Variants in PDE3B observed in about 807,000 individuals in gnomAD.
PDE3B encodes cGMP-inhibited 3',5'-cyclic phosphodiesterase 3B.
Under a neutral mutation model 116.8 loss-of-function variants are expected in PDE3B, and 66 were observed. The ratio of observed to expected loss-of-function variants is 0.56; its 90% CI spans 0.46 to 0.69. PDE3B has a LOEUF of 0.69. Among genes scored for constraint, PDE3B ranks in the 30% least tolerant of loss-of-function variants. The pLI is 0.00. For synonymous variants in PDE3B, 595 were observed against 533.6 expected, an observed-to-expected ratio of 1.12 and a Z score of -1.59; for missense variants, 1,384 against 1,368.1, an observed-to-expected ratio of 1.01 and a Z score of -0.18.
chr11:14,677,420 C>T (rs1012966708), intron 1 of PDE3B, among the ~76,000 whole-genome samples: 5 of 152,166 alleles, frequency 3.3e-5, no homozygotes, highest in Middle Eastern at 3.4e-3. Context: ...AAATAACTTG[C>T]GTATATGTAA....
intron 1 of PDE3B, chr11:14,674,090 C>G: frequency 6.5e-7 from 1 of 1,534,864 alleles, no homozygotes; most frequent in Non-Finnish European, 9.0e-7. Flanking sequence ...TTTACTTTAA[C>G]TTCAACTCTG....
intron 11 of PDE3B, 24 bp downstream of exon 11, chr11:14,835,119 A>G (rs1464561895): frequency 7.2e-7 from 1 of 1,394,578 alleles, no homozygotes; most frequent in Non-Finnish European, 1.0e-6. Context: ...CAAATCTCTT[A>G]ATTATTTTGA....
chr11:14,826,414 C>T (rs372624267), intron 7 of PDE3B, among the ~76,000 whole-genome samples: 7 of 152,166 alleles, frequency 4.6e-5, no homozygotes, highest in African/African-American at 1.7e-4. Context: ...TCCAAATAAA[C>T]ACAATTAGAA....
At chr11:14,750,943 T>TG (rs1857043314) in intron 1 of PDE3B, among the ~76,000 whole-genome samples, 1 of 152,206 alleles carries the variant, frequency 6.6e-6, no homozygotes, top group Non-Finnish European at 1.5e-5. Flanking sequence ...GATTCTAGCC[T>TG]GGTCTTTTCA....
At chr11:14,771,721 T>A (rs895322157) in intron 1 of PDE3B, among the ~76,000 whole-genome samples, 2 of 151,800 alleles carry the variant, frequency 1.3e-5, no homozygotes, top group Non-Finnish European at 3.0e-5. Context: ...TTGTTTTAGT[T>A]ACTTTATTGT....
intron 1 of PDE3B, among the ~76,000 whole-genome samples, chr11:14,668,052 A>G (rs548716178): frequency 2.5e-4 from 38 of 151,946 alleles, no homozygotes; most frequent in Non-Finnish European, 4.6e-4. Context: ...AAAGGTTTGA[A>G]GCATACAATC....
rs151239105 is a variant in PDE3B, at chr11:14,733,844, C to G, written c.979-38093C>G. 3.4e-3 allele frequency among the ~76,000 whole-genome samples: 515 copies of G among 152,166 alleles called. 4 individuals are homozygous for G. The highest frequency in any genetic ancestry group is 6.0e-3 in the Non-Finnish European group (408 of 67,998). On this transcript the variant is annotated intron_variant, in intron 1 of 15. Coordinates refer to ENST00000282096, the MANE Select transcript of PDE3B (RefSeq NM_000922.4). ...AGGAGCTCTAATTTAGCCATGAACA[C>G]AGCCACCATTACTCTGCAGAAAGGG...
At chr11:14,744,717 G>A (rs1040491926) in intron 1 of PDE3B, among the ~76,000 whole-genome samples, 1 of 152,158 alleles carries the variant, frequency 6.6e-6, no homozygotes, top group Non-Finnish European at 1.5e-5. Context: ...GGGAAGCAGG[G>A]TCAGTGTATG....
chr11:14,697,583 A>C (rs1435345538), intron 1 of PDE3B, among the ~76,000 whole-genome samples: 1 of 152,050 alleles, frequency 6.6e-6, no homozygotes, highest in African/African-American at 2.4e-5. Context: ...ATTTGTATGT[A>C]ATTTTTAGGA....
intron 1 of PDE3B, among the ~76,000 whole-genome samples, chr11:14,712,683 C>A (rs899992296): frequency 1.3e-5 from 2 of 152,036 alleles, no homozygotes; most frequent in Admixed American, 6.5e-5. Flanking sequence ...CTATGTTGGG[C>A]AGGCTGGTCT....
intron 1 of PDE3B, among the ~76,000 whole-genome samples, chr11:14,728,735 GA>G: frequency 6.6e-6 from 1 of 152,130 alleles, no homozygotes; most frequent in East Asian, 1.9e-4. Flanking sequence ...TGTCATAGCA[GA>G]ATTCTTGATA....
chr11:14,681,913 C>T (rs1373982173), intron 1 of PDE3B, among the ~76,000 whole-genome samples: 1 of 152,108 alleles, frequency 6.6e-6, no homozygotes, highest in Non-Finnish European at 1.5e-5. Flanking sequence ...ACTTTTGACT[C>T]CCCCAAACCT....
chr11:14,669,517 GGTTT>G (rs1429303779), intron 1 of PDE3B, among the ~76,000 whole-genome samples: 1 of 141,662 alleles, frequency 7.1e-6, no homozygotes, highest in Non-Finnish European at 1.5e-5. Context: ...ACAACGTGCA[GGTTT>G]GTTACATATG....
At chr11:14,895,288 A>G in the PDE3B span, among the ~76,000 whole-genome samples, 1 of 152,268 alleles carries the variant, frequency 6.6e-6, no homozygotes, top group African/African-American at 2.4e-5. Context: ...AGTGAGAGCC[A>G]AAGGAAGTGC....
chr11:14,666,497 A>C (rs1252399140), intron 1 of PDE3B, among the ~76,000 whole-genome samples: 4 of 150,322 alleles, frequency 2.7e-5, no homozygotes, highest in Non-Finnish European at 6.0e-5. Context: ...TGAACAGGCA[A>C]CCTACAAAAT....
At chr11:14,691,889 T>C (rs765739574) in intron 1 of PDE3B, among the ~76,000 whole-genome samples, 2 of 152,158 alleles carry the variant, frequency 1.3e-5, no homozygotes, top group African/African-American at 2.4e-5. Context: ...GCAAGTCAAA[T>C]TGTGTTTACT....
At chr11:14,708,208 C>T (rs1021997786) in intron 1 of PDE3B, among the ~76,000 whole-genome samples, 1 of 151,922 alleles carries the variant, frequency 6.6e-6, no homozygotes, top group Non-Finnish European at 1.5e-5. Flanking sequence ...CTGGTACTTC[C>T]TTCCATCTCT....
At chr11:14,673,034 T>G (rs748531999) in intron 1 of PDE3B, among the ~76,000 whole-genome samples, 22 of 151,974 alleles carry the variant, frequency 1.4e-4, no homozygotes, top group Admixed American at 3.9e-4. Context: ...TCTATCATGT[T>G]AAAACATGCA....
the PDE3B span, among the ~76,000 whole-genome samples, chr11:14,884,802 A>G: frequency 1.3e-5 from 2 of 152,260 alleles, no homozygotes; most frequent in African/African-American, 4.8e-5. Flanking sequence ...ATAAATTTAC[A>G]GCTTTGAAAA....
Sources: gnomAD v4.1 joint callset for allele counts (sites outside exome capture counted in the v4.1 genomes callset) on GRCh38, gnomAD v4.1.1 for gene constraint, MANE v1.5 for transcripts, NCBI Gene and HGNC (gene_info 2026-07-23, HGNC 2026-07-21) for gene names.